The following LATS1 variants were observed in gnomAD, a reference collection of about 807,000 sequenced individuals.
The protein encoded by LATS1 is serine/threonine-protein kinase LATS1.
Under a neutral mutation model 106.6 loss-of-function variants are expected in LATS1, and 25 were observed. The ratio of observed to expected loss-of-function variants is 0.23; its 90% CI spans 0.17 to 0.33. The LOEUF is 0.33. Ranked by LOEUF, LATS1 falls within the 10% of genes least tolerant of loss-of-function variation. The pLI is 1.00. For missense variants in LATS1, 1,040 were observed against 1,382.6 expected, an observed-to-expected ratio of 0.75 and a Z score of 3.93; for synonymous variants, 465 against 455.6, an observed-to-expected ratio of 1.02 and a Z score of -0.26.
At chr6:149,712,558 C>T (rs1364500280) in intron 1 of LATS1, among the ~76,000 whole-genome samples, 2 of 151,750 alleles carry the variant, frequency 1.3e-5, no homozygotes, top group African/African-American at 2.4e-5. Context: ...GCTATGTTGA[C>T]GAGGCTGGTC....
intron 3 of LATS1, among the ~76,000 whole-genome samples, chr6:149,689,262 A>AG (rs901300150): frequency 5.3e-5 from 8 of 152,198 alleles, no homozygotes; most frequent in African/African-American, 1.9e-4. Context: ...CAGTAAATGA[A>AG]GGGGGAAAGT....
intron 3 of LATS1, among the ~76,000 whole-genome samples, chr6:149,691,607 T>C (rs1782755729): frequency 6.6e-6 from 1 of 152,172 alleles, no homozygotes; most frequent in African/African-American, 2.4e-5. Context: ...ATTGGTTTTC[T>C]TCCTTTTCAC....
At chr6:149,675,439 T>C (rs1255946252) in intron 7 of LATS1, among the ~76,000 whole-genome samples, 1 of 152,242 alleles carries the variant, frequency 6.6e-6, no homozygotes, top group East Asian at 1.9e-4. Context: ...GCCAGAGGTA[T>C]TTTCAAGTGG....
chr6:149,687,910 G>C (rs373537628), intron 3 of LATS1, among the ~76,000 whole-genome samples: 2 of 132,046 alleles, frequency 1.5e-5, no homozygotes, highest in Non-Finnish European at 3.1e-5. Flanking sequence ...GTCTCGCTCT[G>C]TCGCCCAGGC....
intron 1 of LATS1, among the ~76,000 whole-genome samples, chr6:149,713,543 G>T (rs1156423385): frequency 6.6e-6 from 1 of 152,068 alleles, no homozygotes; most frequent in Non-Finnish European, 1.5e-5. Context: ...TGATCCACCC[G>T]CCTTGGCCTC....
intron 7 of LATS1, among the ~76,000 whole-genome samples, 160 bp from the exon 8 acceptor site, chr6:149,662,398 C>T (rs1394353068): frequency 6.6e-6 from 1 of 152,080 alleles, no homozygotes; most frequent in African/African-American, 2.4e-5. Flanking sequence ...CCATCCTCTC[C>T]AAGCAACTTC....
At chr6:149,697,739 T>A (rs1783179872) in intron 2 of LATS1, among the ~76,000 whole-genome samples, 1 of 152,122 alleles carries the variant, frequency 6.6e-6, no homozygotes. Context: ...ATTTTTCTTT[T>A]CTTTTTTTTG....
At chr6:149,667,731 G>A (rs774082356) in intron 7 of LATS1, among the ~76,000 whole-genome samples, 1 of 152,098 alleles carries the variant, frequency 6.6e-6, no homozygotes, top group Non-Finnish European at 1.5e-5. Context: ...AATAAAGCCT[G>A]AGAAATCCAT....
intron 1 of LATS1, among the ~76,000 whole-genome samples, chr6:149,717,228 C>G (rs1045616147): frequency 2.0e-5 from 3 of 152,248 alleles, no homozygotes; most frequent in Admixed American, 6.5e-5. Flanking sequence ...ATCAAGTCAT[C>G]TGAGGCATTC....
In LATS1 at chr6:149,680,538, G is replaced by T. The variant is rs1781979245; in HGVS notation, c.2011-81C>A. On this transcript the variant is annotated intron_variant, in intron 4 of 7. Coordinates refer to ENST00000543571, the MANE Select transcript of LATS1 (RefSeq NM_004690.4). Reference sequence around the variant, plus strand: ...AAGAAATAGCTTGGGAAAAATTCAGGCATATATTTAAAGGTTAAATGCATA... The same window carrying T: ...AAGAAATAGCTTGGGAAAAATTCAGTCATATATTTAAAGGTTAAATGCATA... 3 of 1,003,106 alleles carry T rather than the reference G, an allele frequency of 3.0e-6. No homozygotes were observed. In the African/African-American group the frequency reaches 4.9e-5, roughly 16 times the overall value. The allele number at this position is 1,003,106 out of a possible 1,614,324, so 62.1% of individuals were successfully genotyped here.
rs35913927 is a variant in LATS1 at position 149,683,910 on chromosome 6, T to TC, written c.1178dup (p.Ser394IlefsTer23). ...TTGTATATGACGAAGGAGCAGCAGA[T>TC]CCCCCTGTTTGTAAAGCAGAAGGGC... On this transcript the variant is annotated frameshift_variant, in exon 4 of 8. Coordinates refer to ENST00000543571, the MANE Select transcript of LATS1 (RefSeq NM_004690.4). LOFTEE classifies it high-confidence loss of function. The TC allele has an allele frequency of 6.2e-7, 1 of 1,613,870 alleles. No homozygotes were observed. Among genetic ancestry groups the TC allele is most frequent in the Non-Finnish European group, 8.5e-7 (1 of 1,179,916 alleles).
At chr6:149,674,201 A>G (rs1781590804) in intron 7 of LATS1, among the ~76,000 whole-genome samples, 1 of 151,096 alleles carries the variant, frequency 6.6e-6, no homozygotes, top group Non-Finnish European at 1.5e-5. Flanking sequence ...CAGCCTCCCA[A>G]GTAGCTGGGA....
chr6:149,679,816 T>C (rs1051861252), intron 5 of LATS1, 59 bp downstream of exon 5: 2 of 1,221,380 alleles, frequency 1.6e-6, no homozygotes, highest in African/African-American at 1.5e-5. Flanking sequence ...TATATTTTAC[T>C]ACATCAATAA....
chr6:149,661,960 TTCC>T lies in LATS1; in HGVS notation c.3159_3161del (p.Glu1055del), dbSNP rs1780902906. ...CATTGAGAGTGTCATTTACATTTTC[TTCC>T]TCGTTATCATCACTCCATAATTTAT... is the stretch of plus-strand genomic sequence containing the variant. On this transcript the variant is annotated inframe_deletion, in exon 8 of 8. Transcript: ENST00000543571. 3 of 1,614,134 alleles carry T rather than the reference TTCC, an allele frequency of 1.9e-6. No individual in the cohort carries two copies. In the East Asian group the frequency reaches 6.7e-5, roughly 36 times the overall value.
At chr6:149,670,460 G>C (rs1164883608) in intron 7 of LATS1, among the ~76,000 whole-genome samples, 1 of 151,958 alleles carries the variant, frequency 6.6e-6, no homozygotes. Flanking sequence ...CATGAAGGGA[G>C]AGGCTGCTAA....
chr6:149,700,634 A>T (rs1299762486), intron 2 of LATS1, among the ~76,000 whole-genome samples: 1 of 152,168 alleles, frequency 6.6e-6, no homozygotes, highest in Non-Finnish European at 1.5e-5. Context: ...ACAACAAAAA[A>T]CAAACAGTGA....
In LATS1 at chr6:149,659,637, C is replaced by T. The variant is rs1780818520; in HGVS notation, c.*2092G>A. 1 of 228,804 alleles carries T rather than the reference C, an allele frequency of 4.4e-6. No individual in the cohort carries two copies. The highest frequency in any genetic ancestry group is 8.7e-6 in the Non-Finnish European group (1 of 115,374). 14.2% of individuals were successfully genotyped at this position (228,804 alleles called of 1,614,324 possible). Reference sequence around the variant, plus strand: ...GCACCTTAGTCCAAAAGTAAAACAACTAAATGAAAATTTAAATAAATCAGA... The same window carrying T: ...GCACCTTAGTCCAAAAGTAAAACAATTAAATGAAAATTTAAATAAATCAGA... On this transcript the variant is annotated 3_prime_UTR_variant, in exon 8 of 8. Transcript: ENST00000543571.
At chr6:149,678,787 C>CT (rs1247896753) in intron 5 of LATS1, among the ~76,000 whole-genome samples, 1 of 152,166 alleles carries the variant, frequency 6.6e-6, no homozygotes. Flanking sequence ...AGCCCTTACA[C>CT]TTGATTTCTG....
chr6:149,689,780 G>C (rs776876785), intron 3 of LATS1, among the ~76,000 whole-genome samples: 2 of 152,084 alleles, frequency 1.3e-5, no homozygotes, highest in African/African-American at 2.4e-5. Context: ...ACCTAGGCCC[G>C]TCTGCTGCTG....
Sources: allele counts gnomAD v4.1 joint callset (sites outside exome capture counted in the v4.1 genomes callset), GRCh38; gene constraint gnomAD v4.1.1; transcripts MANE v1.5; gene names NCBI Gene and HGNC (gene_info 2026-07-23, HGNC 2026-07-21).